RBM6: variants seen among roughly 807,000 people sequenced by gnomAD.
RBM6 encodes RNA-binding protein 6.
RBM6 carries 23 observed loss-of-function variants against 140.4 expected under a neutral mutation model. That is an observed-to-expected ratio of 0.16 (90% CI 0.12 to 0.23). The LOEUF (loss-of-function observed/expected upper bound fraction) is 0.23, where lower values mean the gene tolerates loss of function less well. Among genes scored for constraint, RBM6 ranks in the 10% least tolerant of loss-of-function variants. RBM6 has a pLI of 1.00. For missense variants in RBM6, 1,139 were observed against 1,386.7 expected, an observed-to-expected ratio of 0.82 and a Z score of 2.84; for synonymous variants, 439 against 475.6, an observed-to-expected ratio of 0.92 and a Z score of 1.00.
chr3:50,071,589 T>G (rs970089287), intron 19 of RBM6, among the ~76,000 whole-genome samples: 3 of 151,546 alleles, frequency 2.0e-5, no homozygotes, highest in African/African-American at 7.3e-5. Flanking sequence ...AGCCTAGGAG[T>G]TCCAGGCCAG....
chr3:50,046,280 C>CA lies in RBM6; in HGVS notation c.1558-1951dup, dbSNP rs1184110898. On this transcript the variant is annotated intron_variant, in intron 6 of 20. Coordinates refer to ENST00000266022, the MANE Select transcript of RBM6 (RefSeq NM_005777.3). ...TGAGTGACAGAGCAAGACTCTGTCT[C>CA]AAAAAAAAAAAAAAGACGGCCAGGC... Among the ~76,000 whole-genome samples, 496 of 94,626 alleles carry CA rather than the reference C, an allele frequency of 5.2e-3. 4 individuals are homozygous for CA. The highest frequency in any genetic ancestry group is 0.017 in the Middle Eastern group (2 of 116). 62.1% of individuals were successfully genotyped at this position (94,626 alleles called of 152,430 possible). A position where few individuals can be genotyped will look rare whatever the true frequency, so the allele number is the denominator to read the frequency against.
intron 11 of RBM6, 33 bp downstream of exon 11, chr3:50,059,779 C>G: frequency 6.5e-7 from 1 of 1,531,182 alleles, no homozygotes; most frequent in Non-Finnish European, 8.9e-7. Flanking sequence ...TCTTGTGCTG[C>G]CCCCACTTGT....
At chr3:50,031,319 C>T (rs570993289) in intron 6 of RBM6, among the ~76,000 whole-genome samples, 2 of 152,246 alleles carry the variant, frequency 1.3e-5, no homozygotes, top group East Asian at 1.9e-4. Context: ...ATAGCAAAGA[C>T]TTGGAACCAA....
chr3:49,989,713 C>T (rs1327673077), intron 5 of RBM6, among the ~76,000 whole-genome samples: 1 of 151,998 alleles, frequency 6.6e-6, no homozygotes, highest in East Asian at 1.9e-4. Flanking sequence ...AGAAAATTTC[C>T]CCAAAAAGTT....
At position 50,054,509 on chromosome 3, in the gene RBM6, T is replaced by G. The variant is rs184156467; in HGVS notation, c.1693+114T>G. 1.7e-5 allele frequency: 4 copies of G among 237,430 alleles called. No individual in the cohort carries two copies. In the South Asian group the frequency reaches 4.5e-4, roughly 27 times the overall value. The allele number at this position is 237,430 out of a possible 1,614,324, so 14.7% of individuals were successfully genotyped here. ...CTAAATCCAAGTTGATCTACAAACC[T>G]TTTTTTTTTTTTTTGAGATGGAGTC... On this transcript the variant is annotated intron_variant, in intron 8 of 20. Transcript: ENST00000266022.
intron 17 of RBM6, 124 bp from the exon 18 acceptor site, chr3:50,068,566 C>T (rs2090190360): frequency 1.3e-6 from 1 of 781,832 alleles, no homozygotes. Flanking sequence ...ATACAGTGAT[C>T]ATTTAGTAGA....
intron 14 of RBM6, 162 bp from the exon 15 acceptor site, chr3:50,061,800 T>C: frequency 8.0e-7 from 1 of 1,254,276 alleles, no homozygotes. Context: ...TCTGAATGTG[T>C]CCTGGTCCCT....
chr3:50,075,064 G>A (rs946212279), intron 19 of RBM6, 137 bp from the exon 20 acceptor site: 50 of 988,288 alleles, frequency 5.1e-5, no homozygotes, highest in Non-Finnish European at 7.3e-5. Flanking sequence ...GCTGAGGCAG[G>A]AGAATCGCCT....
intron 7 of RBM6, among the ~76,000 whole-genome samples, chr3:50,049,046 C>T (rs2089345679): frequency 6.6e-6 from 1 of 151,744 alleles, no homozygotes; most frequent in Non-Finnish European, 1.5e-5. Flanking sequence ...AAGTGATCCA[C>T]CTGCCTCAGC....
intron 7 of RBM6, among the ~76,000 whole-genome samples, chr3:50,049,199 C>T (rs2089357717): frequency 6.6e-6 from 1 of 151,984 alleles, no homozygotes; most frequent in Non-Finnish European, 1.5e-5. Flanking sequence ...ACCTCTGCCA[C>T]CCGGGTTCAA....
At chr3:49,942,417 A>T (rs2083324358) in intron 1 of RBM6, among the ~76,000 whole-genome samples, 1 of 150,150 alleles carries the variant, frequency 6.7e-6, no homozygotes, top group South Asian at 2.1e-4. Context: ...TGAACCCGAG[A>T]GGCGGAGCTT....
At chr3:49,949,637 C>T (rs1435290017) in intron 1 of RBM6, among the ~76,000 whole-genome samples, 1 of 151,966 alleles carries the variant, frequency 6.6e-6, no homozygotes. Flanking sequence ...CTTTGGCCTC[C>T]CAAAGTGCTG....
chr3:50,011,135 G>T (rs2086827722), intron 6 of RBM6, among the ~76,000 whole-genome samples: 1 of 151,862 alleles, frequency 6.6e-6, no homozygotes, highest in South Asian at 2.1e-4. Context: ...GCTGAGATAG[G>T]AGGATCACTT....
At chr3:50,026,117 C>T (rs1007344960) in intron 6 of RBM6, among the ~76,000 whole-genome samples, 1 of 151,524 alleles carries the variant, frequency 6.6e-6, no homozygotes. Flanking sequence ...GACGGAATCT[C>T]GCCGTCTTCC....
chr3:50,075,105 G>A, intron 19 of RBM6, 96 bp from the exon 20 acceptor site: 14 of 1,413,256 alleles, frequency 9.9e-6, no homozygotes, highest in Non-Finnish European at 1.2e-5. Flanking sequence ...GCAGTAAGCT[G>A]AGTTCGAGCC....
At chr3:50,070,425 T>A (rs2090264813) in intron 18 of RBM6, 30 bp from the exon 19 acceptor site, 20 of 1,528,618 alleles carry the variant, frequency 1.3e-5, no homozygotes, top group Non-Finnish European at 1.4e-5. Flanking sequence ...CAGGTGGCAA[T>A]CTCAGGTCTG....
chr3:50,000,943 C>T lies in RBM6; in HGVS notation c.1557+1430C>T, dbSNP rs570490842. 6.6e-5 allele frequency among the ~76,000 whole-genome samples: 10 copies of T among 152,212 alleles called. No homozygotes were observed. The South Asian group carries it at 1.9e-3, about 28-fold the overall frequency. ...CATTAGAGAAGACTTTTGATGTATC[C>T]TTATCTTGTTAGTAGTTTAAGCTTG... On this transcript the variant is annotated intron_variant, in intron 6 of 20. Transcript: ENST00000266022.
intron 5 of RBM6, among the ~76,000 whole-genome samples, chr3:49,993,564 C>G (rs750959544): frequency 6.6e-6 from 1 of 152,076 alleles, no homozygotes; most frequent in Non-Finnish European, 1.5e-5. Flanking sequence ...ATTGCTTGAA[C>G]CTGGTAGGCG....
Position 50,068,823 on chromosome 3 carries a change from A to G in RBM6, c.3018+59A>G. The stretch of plus-strand genomic sequence containing the variant: ...CAGCTCTTTTTGCTTTCTGATATAG[A>G]CTTCATAGGCTGTGCTGATCCCTCC... On this transcript the variant is annotated intron_variant, in intron 18 of 20. Transcript: ENST00000266022. 3.4e-6 allele frequency: 5 copies of G among 1,467,814 alleles called. No individual in the cohort carries two copies. The South Asian group carries it at 5.7e-5, about 17-fold the overall frequency. 90.9% of individuals were successfully genotyped at this position (1,467,814 alleles called of 1,614,324 possible). A position where few individuals can be genotyped will look rare whatever the true frequency, so the allele number is the denominator to read the frequency against.
Sources: allele counts gnomAD v4.1 joint callset (sites outside exome capture counted in the v4.1 genomes callset), GRCh38; gene constraint gnomAD v4.1.1; transcripts MANE v1.5; gene names NCBI Gene and HGNC (gene_info 2026-07-23, HGNC 2026-07-21).